SMARCAL1: variants seen among roughly 807,000 people sequenced by gnomAD.
SMARCAL1 encodes SNF2 related chromatin remodeling annealing helicase 1.
A neutral mutation model predicts 94.5 loss-of-function variants in SMARCAL1; 58 were observed. That is an observed-to-expected ratio of 0.61 (90% CI 0.50 to 0.76). The LOEUF (loss-of-function observed/expected upper bound fraction) is 0.76, where lower values mean the gene tolerates loss of function less well. Ranked by LOEUF, SMARCAL1 falls within the 30% of genes least tolerant of loss-of-function variation. The pLI, the probability that SMARCAL1 is intolerant of heterozygous loss-of-function variation, is 0.00. For missense variants in SMARCAL1, 1,051 were observed against 1,177.9 expected, an observed-to-expected ratio of 0.89 and a Z score of 1.58; for synonymous variants, 422 against 455.1, an observed-to-expected ratio of 0.93 and a Z score of 0.93.
rs1165335408 is a variant in SMARCAL1, at chr2:216,415,349, G to T, written c.645G>T (p.Thr215=). Residue 215 remains threonine, a synonymous_variant, in exon 3 of 18, where the codon ACG becomes ACT. Transcript: ENST00000357276. ...SYIHSSSESV[T]PRTEGRLQQK... The stretch of plus-strand genomic sequence containing the variant: ...TCCATTCTAGCTCAGAGAGTGTAAC[G>T]CCCAGGACAGAAGGAAGACTCCAGC... The T allele has an allele frequency of 1.2e-6, 2 of 1,614,202 alleles. No homozygotes were observed. The highest frequency in any genetic ancestry group is 8.5e-7 in the Non-Finnish European group (1 of 1,180,036).
Position 216,414,876 on chromosome 2 carries a change from C to T in SMARCAL1, c.172C>T (p.Pro58Ser). The part of the protein sequence containing the change: ...QAKQGPSQNF[P>S]RESCKPVSHG... Reference sequence around the variant, plus strand: ...CAAGCAAGGCCCATCCCAAAATTTCCCAAGGGAGTCTTGTAAGCCAGTGAG... The same window carrying T: ...CAAGCAAGGCCCATCCCAAAATTTCTCAAGGGAGTCTTGTAAGCCAGTGAG... The change falls in exon 3 of 18, where the codon CCA becomes TCA. Residue 58 changes from proline to serine, a missense_variant. By Grantham distance (74) the Pro-to-Ser change is moderately conservative (BLOSUM62 -1). This residue lies in a region of SMARCAL1 where 398 missense variants were observed against 395.2 expected (regional missense o/e 1.01). Coordinates refer to ENST00000357276, the MANE Select transcript of SMARCAL1 (RefSeq NM_014140.4). 1 of 1,614,184 alleles carries T rather than the reference C, an allele frequency of 6.2e-7. No individual in the cohort carries two copies. Among genetic ancestry groups the T allele is most frequent in the Non-Finnish European group, 8.5e-7 (1 of 1,180,038 alleles).
At chr2:216,446,679 T>C (rs755085297) in intron 10 of SMARCAL1, 1 of 485,050 alleles carries the variant, frequency 2.1e-6, no homozygotes, top group South Asian at 1.5e-5. Context: ...TGAACATTTA[T>C]TGGTTACTTG....
At chr2:216,438,217 G>A (rs1338625124) in intron 9 of SMARCAL1, among the ~76,000 whole-genome samples, 1 of 152,212 alleles carries the variant, frequency 6.6e-6, no homozygotes, top group Non-Finnish European at 1.5e-5. Flanking sequence ...GAGAGCTGAA[G>A]CAACTTGCTC....
chr2:216,432,656 A>T (rs1693990391), intron 7 of SMARCAL1, 62 bp from the exon 8 acceptor site: 1 of 1,601,208 alleles, frequency 6.2e-7, no homozygotes, highest in African/African-American at 1.3e-5. Context: ...GACCCACCGG[A>T]CATGAGGGCA....
chr2:216,423,760 T>G, intron 6 of SMARCAL1, 77 bp downstream of exon 6: 1 of 1,303,066 alleles, frequency 7.7e-7, no homozygotes, highest in Non-Finnish European at 1.1e-6. Context: ...TGATGTATTT[T>G]TGAAGAATCT....
At chr2:216,422,758 T>C (rs1244520327) in intron 5 of SMARCAL1, among the ~76,000 whole-genome samples, 1 of 152,244 alleles carries the variant, frequency 6.6e-6, no homozygotes. Context: ...GAATGAACTT[T>C]TGCTGCCCAG....
At chr2:216,416,080 A>C in intron 3 of SMARCAL1, 177 bp from the exon 4 acceptor site, 1 of 623,746 alleles carries the variant, frequency 1.6e-6, no homozygotes, top group Non-Finnish European at 3.0e-6. Context: ...TACATGGAAT[A>C]AAAGAATTAT....
At chr2:216,440,310 G>A (rs1283934192) in intron 10 of SMARCAL1, among the ~76,000 whole-genome samples, 1 of 152,142 alleles carries the variant, frequency 6.6e-6, no homozygotes, top group Non-Finnish European at 1.5e-5. Flanking sequence ...TATCATTAAA[G>A]ATACAATGTG....
At position 216,457,360 on chromosome 2, in the gene SMARCAL1, C is replaced by G. The variant is rs192654090; in HGVS notation, c.2070+6296C>G. On this transcript the variant is annotated intron_variant, in intron 12 of 17. Transcript: ENST00000357276. ...GGACCTAATAGACATCTACAGAACT[C>G]TCCACCCCAAATCAACAGAATATAC... is the stretch of plus-strand genomic sequence containing the variant. Among the ~76,000 whole-genome samples the G allele has an allele frequency of 1.1e-4, 16 of 152,346 alleles. No homozygotes were observed. The East Asian group carries it at 1.3e-3, about 13-fold the overall frequency.
intron 5 of SMARCAL1, among the ~76,000 whole-genome samples, chr2:216,422,845 C>T (rs1693754252): frequency 6.6e-6 from 1 of 152,188 alleles, no homozygotes; most frequent in African/African-American, 2.4e-5. Flanking sequence ...TTTAAAGAAT[C>T]AGCCACCATT....
At position 216,482,379 on chromosome 2, in the gene SMARCAL1, G is replaced by A. The variant is rs1230648166; in HGVS notation, c.2626-359G>A. ...CTGACCCTTAGTAGAGAAAGGCTTT[G>A]GAGGAAGTGAGATCTTGGGTGCTAT... On this transcript the variant is annotated intron_variant, in intron 17 of 17. Coordinates refer to ENST00000357276, the MANE Select transcript of SMARCAL1 (RefSeq NM_014140.4). This position sits in a 1 kb window ranked among gnomAD's most constrained non-coding sequence, Gnocchi z 4.3. Among the ~76,000 whole-genome samples, 3 of 152,206 alleles carry A rather than the reference G, an allele frequency of 2.0e-5. No individual in the cohort carries two copies. The highest frequency in any genetic ancestry group is 7.2e-5 in the African/African-American group (3 of 41,456).
intron 5 of SMARCAL1, among the ~76,000 whole-genome samples, chr2:216,422,910 C>T (rs559056069): frequency 4.6e-5 from 7 of 152,316 alleles, no homozygotes; most frequent in Non-Finnish European, 8.8e-5. Context: ...TTATACTACA[C>T]GATGCTGATT....
At chr2:216,474,109 A>G (rs1182880209) in intron 14 of SMARCAL1, among the ~76,000 whole-genome samples, 1 of 145,160 alleles carries the variant, frequency 6.9e-6, no homozygotes, top group African/African-American at 2.6e-5. Flanking sequence ...TGCAATTTAT[A>G]TAACATTTGT....
chr2:216,479,963 G>T (rs1290830303), intron 17 of SMARCAL1, among the ~76,000 whole-genome samples: 1 of 152,124 alleles, frequency 6.6e-6, no homozygotes, highest in Non-Finnish European at 1.5e-5. Context: ...GAGGCAGGAG[G>T]ATTCCCTGAA....
Position 216,416,389 on chromosome 2 carries a change from G to A in SMARCAL1, c.862+82G>A, listed in dbSNP as rs1469855324. On this transcript the variant is annotated intron_variant, in intron 4 of 17. Transcript: ENST00000357276. ...AGTATCACATGTAGTCCAGCTTATG[G>A]AGTGCATGGCTTTACAGGTGGTGAA... The A allele has an allele frequency of 5.0e-6, 6 of 1,209,212 alleles. No homozygotes were observed. In the Admixed American group the frequency reaches 8.5e-5, roughly 17 times the overall value. 74.9% of individuals were successfully genotyped at this position (1,209,212 alleles called of 1,614,324 possible).
chr2:216,475,347 G>A lies in SMARCAL1; in HGVS notation c.2323G>A (p.Glu775Lys). ...EDLCQQFQLS[E>K]RHAVAVLSIT... The stretch of plus-strand genomic sequence containing the variant: ...CCTGTGCCAGCAGTTCCAACTGTCG[G>A]AGAGGCATGCTGTGGCCGTGCTGTC... The change falls in exon 15 of 18, where the codon GAG (glutamate) becomes AAG (lysine). Residue 775 changes from glutamate to lysine, a missense_variant. By Grantham distance (56) the Glu-to-Lys change is moderately conservative. Transcript: ENST00000357276. The surrounding 1 kb of genome is among the most constrained non-coding windows in gnomAD (Gnocchi z 4.4). The A allele has an allele frequency of 6.2e-7, 1 of 1,614,190 alleles. No homozygotes were observed. The highest frequency in any genetic ancestry group is 8.5e-7 in the Non-Finnish European group (1 of 1,180,040).
intron 12 of SMARCAL1, among the ~76,000 whole-genome samples, chr2:216,459,903 A>G (rs1694658162): frequency 1.3e-5 from 2 of 152,242 alleles, no homozygotes; most frequent in South Asian, 4.1e-4. Flanking sequence ...CAGGAAACCT[A>G]CAGAATGGGA....
In SMARCAL1 at chr2:216,438,432, T is replaced by A. The variant is rs866600715; in HGVS notation, c.1657T>A (p.Phe553Ile). ...TACTTCTTTTCAGGATGAATCTCAC[T>A]TCCTCAAAAACAGTAGGACTGCCCG... is the stretch of plus-strand genomic sequence containing the variant. ...FKVVIIDESH[F>I]LKNSRTARCR... Residue 553 changes from phenylalanine (F) to isoleucine (I), a missense_variant, in exon 10 of 18, where the codon TTC becomes ATC. By Grantham distance (21) the Phe-to-Ile change is conservative. Coordinates refer to ENST00000357276, the MANE Select transcript of SMARCAL1 (RefSeq NM_014140.4). 7 of 1,613,988 alleles carry A rather than the reference T, an allele frequency of 4.3e-6. No individual in the cohort carries two copies. Among genetic ancestry groups the A allele is most frequent in the Middle Eastern group, 1.6e-4 (1 of 6,062 alleles).
chr2:216,471,217 G>A (rs1694958679), intron 14 of SMARCAL1, among the ~76,000 whole-genome samples: 4 of 152,062 alleles, frequency 2.6e-5, no homozygotes, highest in Admixed American at 2.6e-4. Context: ...AGTATTAGAA[G>A]AAAATACCAA....
Sources: gnomAD v4.1 joint callset for allele counts (sites outside exome capture counted in the v4.1 genomes callset) on GRCh38, gnomAD v4.1.1 for gene constraint, gnomAD v4.1.1 regional missense constraint, Gnocchi (gnomAD v3.1) non-coding constraint, MANE v1.5 for transcripts, NCBI Gene and HGNC (gene_info 2026-07-23, HGNC 2026-07-21) for gene names.